The following SHB variants were observed in gnomAD, a reference collection of about 807,000 sequenced individuals.
SHB encodes the protein SH2 domain-containing adapter protein B.
SHB carries 20 observed loss-of-function variants against 52.3 expected under a neutral mutation model. The observed-to-expected ratio is 0.38, with a 90% CI of 0.27 to 0.56. The LOEUF is 0.56. SHB is among the 20% of genes least tolerant of loss of function. The pLI is 0.71. For synonymous variants in SHB, 397 were observed against 316.5 expected (o/e 1.25, Z -2.70); for missense variants, 825 against 723.3 (o/e 1.14, Z -1.61).
At chr9:37,942,909 ATCACTG>A (rs1832451065) in intron 5 of SHB, among the ~76,000 whole-genome samples, 1 of 150,834 alleles carries the variant, frequency 6.6e-6, no homozygotes, top group Admixed American at 6.6e-5. Flanking sequence ...GAAGGGGGGG[ATCACTG>A]GGGGGACAGG....
rs111477596 is a variant in SHB, at chr9:37,928,707, T to G, written c.1347-8703A>C. On this transcript the variant is annotated intron_variant, in intron 5 of 5. Coordinates refer to ENST00000377707, the MANE Select transcript of SHB (RefSeq NM_003028.3). ...CCTTGCTGCTGTGGTGAGGGGCAGA[T>G]GAGAACCTCCACATGAAGTGTGAAC... Among the ~76,000 whole-genome samples, 1,278 of 152,344 alleles carry G rather than the reference T, an allele frequency of 8.4e-3. 18 individuals carry two copies. The highest frequency in any genetic ancestry group is 0.029 in the African/African-American group (1,213 of 41,578).
intron 1 of SHB, among the ~76,000 whole-genome samples, chr9:38,064,078 C>G (rs1255274237): frequency 6.6e-6 from 1 of 151,810 alleles, no homozygotes; most frequent in Non-Finnish European, 1.5e-5. Context: ...AAGTAACTGG[C>G]CTCTTTTGTC....
intron 5 of SHB, among the ~76,000 whole-genome samples, chr9:37,931,623 C>T (rs1832311954): frequency 6.6e-6 from 1 of 152,214 alleles, no homozygotes; most frequent in Admixed American, 6.5e-5. Flanking sequence ...AAAAAGGAAA[C>T]TCTTATACAC....
At chr9:38,044,733 T>C (rs977176454) in intron 1 of SHB, among the ~76,000 whole-genome samples, 1 of 152,174 alleles carries the variant, frequency 6.6e-6, no homozygotes, top group Non-Finnish European at 1.5e-5. Flanking sequence ...TACTGGCAAT[T>C]TGGGGACTAT....
chr9:38,066,404 G>A (rs1023379894), intron 1 of SHB, among the ~76,000 whole-genome samples: 25 of 152,272 alleles, frequency 1.6e-4, no homozygotes, highest in African/African-American at 6.0e-4. Context: ...ACCAAGCCAA[G>A]CTTCAGCCAT....
At chr9:37,962,886 T>C (rs139752850) in intron 3 of SHB, among the ~76,000 whole-genome samples, 3 of 152,350 alleles carry the variant, frequency 2.0e-5, no homozygotes, top group Non-Finnish European at 4.4e-5. Flanking sequence ...CGTTCTCCTC[T>C]AGTTGTTGTG....
intron 1 of SHB, among the ~76,000 whole-genome samples, chr9:38,034,723 G>C (rs1460851577): frequency 6.6e-6 from 1 of 152,224 alleles, no homozygotes; most frequent in African/African-American, 2.4e-5. Flanking sequence ...TTGAGACGCA[G>C]TCTCGCTCTG....
rs193132774 is a variant in SHB, at chr9:38,010,396, G to T, written c.838+5615C>A. On this transcript the variant is annotated intron_variant, in intron 2 of 5. Transcript: ENST00000377707. ...GATCTCAGGCACAAAAACACGCTGT[G>T]CCTTTAGGTTAACTTGGGCTTCCAG... Among the ~76,000 whole-genome samples the T allele has an allele frequency of 3.8e-4, 58 of 152,264 alleles. 1 individual carries two copies. The East Asian group carries it at 0.011, about 28-fold the overall frequency.
chr9:37,974,215 C>T (rs1359825478), intron 3 of SHB, among the ~76,000 whole-genome samples: 1 of 152,188 alleles, frequency 6.6e-6, no homozygotes, highest in Non-Finnish European at 1.5e-5. Flanking sequence ...GAGATCGCAT[C>T]ACTGCACTCC....
chr9:37,974,629 G>T lies in SHB; in HGVS notation c.1047C>A (p.Ala349=), dbSNP rs1488116552. The change falls in exon 3 of 6, where the codon GCC becomes GCA. Residue 349 remains alanine, a synonymous_variant. Transcript: ENST00000377707. Reference sequence around the variant, plus strand: ...AGGGTCAGGGCTCCTTACCTGCCAGGGCTGGGATGGTGACCCGGTTCCACT... The same window carrying T: ...AGGGTCAGGGCTCCTTACCTGCCAGTGCTGGGATGGTGACCCGGTTCCACT... ...PWEWNRVTIP[A]LAAQFNGNEK... 6.2e-7 allele frequency: 1 copy of T among 1,612,542 alleles called. No homozygotes were observed. The highest frequency in any genetic ancestry group is 1.3e-5 in the African/African-American group (1 of 74,886).
At chr9:37,968,783 G>A (rs1395255879) in intron 3 of SHB, among the ~76,000 whole-genome samples, 1 of 152,212 alleles carries the variant, frequency 6.6e-6, no homozygotes, top group South Asian at 2.1e-4. Context: ...AAAAGGAAAT[G>A]CTGGTCATTC....
intron 2 of SHB, among the ~76,000 whole-genome samples, chr9:38,012,434 A>C (rs1347843188): frequency 6.6e-6 from 1 of 152,198 alleles, no homozygotes; most frequent in Non-Finnish European, 1.5e-5. Context: ...GTGAGGACCC[A>C]GTTAAGAACT....
At chr9:37,993,289 GA>G (rs980660724) in intron 2 of SHB, among the ~76,000 whole-genome samples, 3 of 152,080 alleles carry the variant, frequency 2.0e-5, no homozygotes, top group African/African-American at 4.8e-5. Context: ...TGTTAAACAA[GA>G]AAAAGGAAGT....
chr9:37,988,999 A>T (rs1322551940), intron 2 of SHB, among the ~76,000 whole-genome samples: 1 of 151,768 alleles, frequency 6.6e-6, no homozygotes, highest in Non-Finnish European at 1.5e-5. Context: ...CTAACTTACC[A>T]ACAAATTTTG....
intron 2 of SHB, among the ~76,000 whole-genome samples, chr9:38,006,646 G>C (rs1821079163): frequency 6.6e-6 from 1 of 152,232 alleles, no homozygotes; most frequent in Admixed American, 6.5e-5. Context: ...TGCCAGGAAA[G>C]ACAAGGAGTT....
At chr9:38,015,042 C>A (rs1197736043) in intron 2 of SHB, among the ~76,000 whole-genome samples, 1 of 152,258 alleles carries the variant, frequency 6.6e-6, no homozygotes, top group African/African-American at 2.4e-5. Flanking sequence ...TGTCCAGATA[C>A]ACAGGGTACC....
chr9:38,028,639 G>A (rs989537243), intron 1 of SHB, among the ~76,000 whole-genome samples: 7 of 152,234 alleles, frequency 4.6e-5, no homozygotes, highest in East Asian at 1.9e-4. Flanking sequence ...CAGCTCCAGC[G>A]CAGGCTGAGT....
At chr9:38,064,277 T>G (rs574698396) in intron 1 of SHB, among the ~76,000 whole-genome samples, 1 of 152,102 alleles carries the variant, frequency 6.6e-6, no homozygotes, top group Non-Finnish European at 1.5e-5. Flanking sequence ...CCCTCCACCA[T>G]GGCTCTGAGT....
chr9:38,034,437 G>A (rs1278596134), intron 1 of SHB, among the ~76,000 whole-genome samples: 2 of 152,222 alleles, frequency 1.3e-5, no homozygotes, highest in Non-Finnish European at 2.9e-5. Flanking sequence ...GGAGAATCAC[G>A]TCCAGCTCTT....
Sources: allele counts gnomAD v4.1 joint callset (sites outside exome capture counted in the v4.1 genomes callset), GRCh38; gene constraint gnomAD v4.1.1; transcripts MANE v1.5; gene names NCBI Gene and HGNC (gene_info 2026-07-23, HGNC 2026-07-21).